NUDCD3: variants seen among roughly 807,000 people sequenced by gnomAD.
The protein encoded by NUDCD3 is nudC domain-containing protein 3.
NUDCD3 carries 13 observed loss-of-function variants against 39.7 expected under a neutral mutation model. The ratio of observed to expected loss-of-function variants is 0.33; its 90% confidence interval spans 0.21 to 0.52. The LOEUF (loss-of-function observed/expected upper bound fraction) is 0.52. Ranked by LOEUF, NUDCD3 falls within the 20% of genes least tolerant of loss-of-function variation. NUDCD3 has a pLI of 0.96. For missense variants in NUDCD3, 453 were observed against 458.1 expected (o/e 0.99, Z 0.10); for synonymous variants, 175 against 172.4 (o/e 1.02, Z -0.12).
intron 4 of NUDCD3, among the ~76,000 whole-genome samples, chr7:44,399,510 G>C (rs1003744750): frequency 2.6e-5 from 4 of 152,212 alleles, no homozygotes; most frequent in Non-Finnish European, 5.9e-5. Flanking sequence ...AAAGTTGTGG[G>C]GACTCAGGAA....
intron 2 of NUDCD3, among the ~76,000 whole-genome samples, chr7:44,477,892 G>A (rs899277653): frequency 4.0e-5 from 6 of 148,410 alleles, no homozygotes; most frequent in African/African-American, 1.5e-4. Context: ...GGAGTGCAGT[G>A]GCACAATCTC....
At chr7:44,443,220 G>A (rs1799625485) in intron 2 of NUDCD3, among the ~76,000 whole-genome samples, 1 of 151,334 alleles carries the variant, frequency 6.6e-6, no homozygotes, top group Non-Finnish European at 1.5e-5. Context: ...GATGAGCTTT[G>A]AACACATTCA....
intron 2 of NUDCD3, among the ~76,000 whole-genome samples, chr7:44,443,693 G>A (rs141983572): frequency 3.3e-4 from 51 of 152,292 alleles, no homozygotes; most frequent in Non-Finnish European, 6.3e-4. Flanking sequence ...GATTACAGGC[G>A]TGACCCACAG....
At chr7:44,467,070 C>T (rs1262364960) in intron 2 of NUDCD3, among the ~76,000 whole-genome samples, 2 of 152,192 alleles carry the variant, frequency 1.3e-5, no homozygotes, top group Non-Finnish European at 2.9e-5. Flanking sequence ...ACCAGCCCCC[C>T]GTGGTGAAGA....
chr7:44,451,963 C>T (rs1436302496), intron 2 of NUDCD3, among the ~76,000 whole-genome samples: 1 of 152,076 alleles, frequency 6.6e-6, no homozygotes, highest in Non-Finnish European at 1.5e-5. Flanking sequence ...GGAGAAAAGT[C>T]ATCTATAGAG....
chr7:44,385,844 A>G lies in NUDCD3; in HGVS notation c.*167T>C. 1 of 597,670 alleles carries G rather than the reference A, an allele frequency of 1.7e-6. No homozygotes were observed. Among genetic ancestry groups the G allele is most frequent in the South Asian group, 2.0e-5 (1 of 49,524 alleles). The allele number at this position is 597,670 out of a possible 1,614,324, so 37.0% of individuals were successfully genotyped here. ...GCTGGCCCCGCACCTTCTCTGGAAC[A>G]GTCTGGAGATGCAAGGTCAGGGTGG... On this transcript the variant is annotated 3_prime_UTR_variant, in exon 6 of 6. Transcript: ENST00000355451.
chr7:44,452,788 CAATT>C (rs1448269973), intron 2 of NUDCD3, among the ~76,000 whole-genome samples: 1 of 152,168 alleles, frequency 6.6e-6, no homozygotes, highest in African/African-American at 2.4e-5. Flanking sequence ...CTCTGTGACT[CAATT>C]AAGACAGAAC....
intron 2 of NUDCD3, among the ~76,000 whole-genome samples, chr7:44,460,756 A>C (rs1799992164): frequency 6.6e-6 from 1 of 152,216 alleles, no homozygotes; most frequent in African/African-American, 2.4e-5. Flanking sequence ...GGGGGAAAGA[A>C]AGAGAAAACA....
chr7:44,381,345 G>C lies in NUDCD3; in HGVS notation c.*4666C>G, dbSNP rs1011214478. 6.6e-6 allele frequency: 1 copy of C among 152,426 alleles called. No homozygotes were observed. 9.4% of individuals were successfully genotyped at this position (152,426 alleles called of 1,614,324 possible). A position where few individuals can be genotyped will look rare whatever the true frequency, so the allele number is the denominator to read the frequency against. ...GACTGTACCTGGGGCAGATGGTCTT[G>C]CTCTTTGGTTCTGGGGAGGAGCGCA... On this transcript the variant is annotated 3_prime_UTR_variant, in exon 6 of 6. Transcript: ENST00000355451.
intron 2 of NUDCD3, among the ~76,000 whole-genome samples, chr7:44,433,650 C>T (rs942686938): frequency 4.6e-5 from 7 of 152,196 alleles, no homozygotes; most frequent in African/African-American, 1.7e-4. Context: ...AACCAGCAGA[C>T]ATGGCTCACT....
At chr7:44,441,554 G>C (rs10249067) in intron 2 of NUDCD3, among the ~76,000 whole-genome samples, 1 of 151,812 alleles carries the variant, frequency 6.6e-6, no homozygotes, top group Non-Finnish European at 1.5e-5. Context: ...ATGTCTACCC[G>C]CCCTGCCCAG....
intron 4 of NUDCD3, among the ~76,000 whole-genome samples, chr7:44,396,087 T>TTGTGTGTGTGTGTGTGTGTG (rs10585173): frequency 4.8e-5 from 7 of 145,012 alleles, no homozygotes; most frequent in African/African-American, 1.8e-4. Flanking sequence ...TTATCTTCTG[T>TTGTGTGTGTGTGTGTGTGTG]TGTGTGTGTG....
At chr7:44,473,860 A>G (rs144000655) in intron 2 of NUDCD3, among the ~76,000 whole-genome samples, 5 of 151,482 alleles carry the variant, frequency 3.3e-5, no homozygotes, top group African/African-American at 1.2e-4. Flanking sequence ...ATTTTGAGGG[A>G]AAAAAAAGAG....
At chr7:44,408,659 T>C (rs1798871804) in intron 3 of NUDCD3, among the ~76,000 whole-genome samples, 1 of 152,224 alleles carries the variant, frequency 6.6e-6, no homozygotes, top group African/African-American at 2.4e-5. Context: ...CAACTTCTTA[T>C]GGATTTTGGA....
chr7:44,475,636 C>T (rs185023597), intron 2 of NUDCD3, among the ~76,000 whole-genome samples: 2 of 151,940 alleles, frequency 1.3e-5, no homozygotes, highest in Admixed American at 1.3e-4. Context: ...GGTACACATC[C>T]GTGATCTCAG....
At chr7:44,442,543 G>A (rs1166554317) in intron 2 of NUDCD3, among the ~76,000 whole-genome samples, 1 of 152,188 alleles carries the variant, frequency 6.6e-6, no homozygotes, top group Non-Finnish European at 1.5e-5. Flanking sequence ...GGCTGAAGAT[G>A]GGAGGGGACA....
rs114926680 is a variant in NUDCD3, at chr7:44,457,616, T to C, written c.509+27352A>G. ...TACATGTTTTAAACTACGAAACTAA[T>C]GGGAAAACATATTTGTAAATTATAT... On this transcript the variant is annotated intron_variant, in intron 2 of 5. Coordinates refer to ENST00000355451, the MANE Select transcript of NUDCD3 (RefSeq NM_015332.4). Among the ~76,000 whole-genome samples, 1,034 of 152,300 alleles carry C rather than the reference T, an allele frequency of 6.8e-3. 12 individuals are homozygous for C. The highest frequency in any genetic ancestry group is 0.024 in the African/African-American group (977 of 41,562).
chr7:44,385,137 G>A lies in NUDCD3; in HGVS notation c.*874C>T, dbSNP rs1243159815. The stretch of plus-strand genomic sequence containing the variant: ...AAGCTTCTCAGGACTTGTGGCTGTC[G>A]AGCTCTGCTGAGCTGATGGACATGC... On this transcript the variant is annotated 3_prime_UTR_variant, in exon 6 of 6. Coordinates refer to ENST00000355451, the MANE Select transcript of NUDCD3 (RefSeq NM_015332.4). The A allele has an allele frequency of 3.9e-5, 6 of 152,160 alleles. No homozygotes were observed. The highest frequency in any genetic ancestry group is 9.7e-5 in the African/African-American group (4 of 41,420). 9.4% of individuals were successfully genotyped at this position (152,160 alleles called of 1,614,324 possible).
intron 2 of NUDCD3, among the ~76,000 whole-genome samples, chr7:44,458,345 A>G (rs1193690369): frequency 6.6e-6 from 1 of 152,208 alleles, no homozygotes; most frequent in Non-Finnish European, 1.5e-5. Flanking sequence ...TAATGCATAC[A>G]AAGTTCTTTT....
Sources: allele counts gnomAD v4.1 joint callset (sites outside exome capture counted in the v4.1 genomes callset), GRCh38; gene constraint gnomAD v4.1.1; transcripts MANE v1.5; gene names NCBI Gene and HGNC (gene_info 2026-07-23, HGNC 2026-07-21).